Variants in CEMIP observed in about 807,000 individuals in gnomAD.
CEMIP encodes cell migration inducing hyaluronidase 1.
In CEMIP, 105 loss-of-function variants were observed where a neutral mutation model predicts 156.9. The ratio of observed to expected loss-of-function variants is 0.67; its 90% confidence interval spans 0.57 to 0.79. The LOEUF (loss-of-function observed/expected upper bound fraction) is 0.79. CEMIP is among the 30% of genes least tolerant of loss of function. The pLI is 0.00. For missense variants in CEMIP, 1,457 were observed against 1,769.4 expected (o/e 0.82, Z 3.17); for synonymous variants, 676 against 668.4 (o/e 1.01, Z -0.17).
At chr15:80,855,017 G>A (rs1408367574) in intron 1 of CEMIP, among the ~76,000 whole-genome samples, 3 of 152,068 alleles carry the variant, frequency 2.0e-5, no homozygotes, top group African/African-American at 7.2e-5. Flanking sequence ...AGGACATAGT[G>A]AGAATAAACA....
chr15:80,796,538 T>C (rs1410925782), intron 1 of CEMIP, among the ~76,000 whole-genome samples: 1 of 152,236 alleles, frequency 6.6e-6, no homozygotes, highest in African/African-American at 2.4e-5. Context: ...TGTTGGTGCA[T>C]GTTCCATGTC....
In CEMIP at chr15:80,849,255, A is replaced by G. The variant is rs1477697087; in HGVS notation, c.-175-24283A>G. Among the ~76,000 whole-genome samples, 3 of 151,994 alleles carry G rather than the reference A, an allele frequency of 2.0e-5. No homozygotes were observed. The South Asian group carries it at 6.2e-4, about 32-fold the overall frequency. On this transcript the variant is annotated intron_variant, in intron 1 of 29. Transcript: ENST00000394685. Reference sequence around the variant, plus strand: ...TGGCCTCCCAAAGTGCTGGGATTATAGGTGAATGAGCCACTGTGCCTGGCC... The same window carrying G: ...TGGCCTCCCAAAGTGCTGGGATTATGGGTGAATGAGCCACTGTGCCTGGCC...
chr15:80,944,903 C>A (rs183191134), intron 28 of CEMIP, among the ~76,000 whole-genome samples: 2 of 152,324 alleles, frequency 1.3e-5, no homozygotes, highest in Non-Finnish European at 2.9e-5. Context: ...CTGGGGGAAG[C>A]CCTTACTGGA....
At chr15:80,823,618 T>A (rs1358556309) in intron 1 of CEMIP, among the ~76,000 whole-genome samples, 2 of 152,164 alleles carry the variant, frequency 1.3e-5, no homozygotes, top group East Asian at 3.9e-4. Flanking sequence ...GTCCTGAGAC[T>A]AGATATGAGG....
chr15:80,838,195 C>T (rs114611725), intron 1 of CEMIP, among the ~76,000 whole-genome samples: 2,664 of 152,208 alleles, frequency 0.018, 76 homozygotes, highest in African/African-American at 0.055. Flanking sequence ...TCGCAGGGAG[C>T]GGAGGGTGGG....
chr15:80,932,001 C>T lies in CEMIP; in HGVS notation c.2755C>T (p.His919Tyr), dbSNP rs1291295742. The T allele has an allele frequency of 6.2e-7, 1 of 1,614,016 alleles. No homozygotes were observed. The highest frequency in any genetic ancestry group is 1.7e-5 in the Admixed American group (1 of 60,010). ...GAATAATGCCTGGCAGAGCTGCCCC[C>T]ATAACAACGTGACCGGCATTGCCTT... is the stretch of plus-strand genomic sequence containing the variant. ...RLNNAWQSCPHNNVTGIAFED... is the reference protein window; with the variant it reads ...RLNNAWQSCPYNNVTGIAFED... Residue 919 changes from histidine (H) to tyrosine (Y), a missense_variant, in exon 22 of 30, where the codon CAT (histidine) becomes TAT (tyrosine). His to Tyr is a moderately conservative substitution (Grantham distance 83). Around this residue, in one of 5 missense-constraint regions of CEMIP, gnomAD observed 798 missense variants for 980.1 expected, o/e 0.81. Coordinates refer to ENST00000394685, the MANE Select transcript of CEMIP (RefSeq NM_001293298.2). This position sits in a 1 kb window ranked among gnomAD's most constrained non-coding sequence, Gnocchi z 4.5.
At position 80,888,748 on chromosome 15, in the gene CEMIP, G is replaced by A. The variant is rs1186449956; in HGVS notation, c.916G>A (p.Glu306Lys). Residue 306 changes from glutamate (E) to lysine (K), a missense_variant, in exon 9 of 30, where the codon GAG becomes AAG. Transcript: ENST00000394685. ...AARVFKLFQT[E>K]HGEYFNVSLS... The stretch of plus-strand genomic sequence containing the variant: ...CCGGGTATTCAAATTGTTCCAGACA[G>A]AGCATGGCGAATATTTCAATGTTTC... The A allele has an allele frequency of 6.2e-7, 1 of 1,614,186 alleles. No individual in the cohort carries two copies. Among genetic ancestry groups the A allele is most frequent in the Admixed American group, 1.7e-5 (1 of 60,024 alleles).
At chr15:80,866,563 C>G (rs1265340244) in intron 1 of CEMIP, among the ~76,000 whole-genome samples, 4 of 150,694 alleles carry the variant, frequency 2.7e-5, no homozygotes, top group African/African-American at 9.8e-5. Flanking sequence ...TGCCCTCCAG[C>G]CTAGGTGACA....
chr15:80,920,282 G>T lies in CEMIP; in HGVS notation c.1986G>T (p.Lys662Asn). The T allele has an allele frequency of 6.2e-7, 1 of 1,614,086 alleles. No individual in the cohort carries two copies. Among genetic ancestry groups the T allele is most frequent in the Non-Finnish European group, 8.5e-7 (1 of 1,179,966 alleles). The change falls in exon 15 of 30, where the codon AAG becomes AAT. Residue 662 changes from lysine to asparagine, a missense_variant. By Grantham distance (94) the Lys-to-Asn change is moderately conservative (BLOSUM62 0). Coordinates refer to ENST00000394685, the MANE Select transcript of CEMIP (RefSeq NM_001293298.2). ...TEDSYPGYIPKPRQDCNAVST... is the reference protein window; with the variant it reads ...TEDSYPGYIPNPRQDCNAVST... Reference sequence around the variant, plus strand: ...ACTCCTACCCGGGGTACATCCCCAAGCCCAGGCAAGACTGCAAGTAAGTGC... The same window carrying T: ...ACTCCTACCCGGGGTACATCCCCAATCCCAGGCAAGACTGCAAGTAAGTGC...
chr15:80,811,005 G>A lies in CEMIP; in HGVS notation c.-176+31391G>A, dbSNP rs116987795. 7.8e-4 allele frequency among the ~76,000 whole-genome samples: 118 copies of A among 152,240 alleles called. No homozygotes were observed. In the East Asian group the frequency reaches 0.019, roughly 24 times the overall value. ...AACCTACCCATCACGCAGACATCAT[G>A]CTTCTCATTGATTTAATAAACTACT... is the stretch of plus-strand genomic sequence containing the variant. On this transcript the variant is annotated intron_variant, in intron 1 of 29. Coordinates refer to ENST00000394685, the MANE Select transcript of CEMIP (RefSeq NM_001293298.2).
In CEMIP at chr15:80,895,090, G is replaced by A. The variant is rs1325537721; in HGVS notation, c.1187G>A (p.Ser396Asn). The A allele has an allele frequency of 1.1e-5, 17 of 1,614,114 alleles. No homozygotes were observed. Among genetic ancestry groups the A allele is most frequent in the Middle Eastern group, 1.6e-4 (1 of 6,084 alleles). ...TACGACCGGGGCAGAGCCTGCCGGA[G>A]CTACCGTGTACGGTTCCTCTGTGGG... ...ACYDRGRACR[S>N]YRVRFLCGKP... is the part of the protein sequence containing the mutation. The change falls in exon 11 of 30, where the codon AGC (serine) becomes AAC (asparagine). Residue 396 changes from serine (S) to asparagine (N), a missense_variant. Around this residue, in one of 5 missense-constraint regions of CEMIP, gnomAD observed 280 missense variants for 300.3 expected, o/e 0.93. Coordinates refer to ENST00000394685, the MANE Select transcript of CEMIP (RefSeq NM_001293298.2).
At chr15:80,783,758 CCTT>C (rs1162672393) in intron 1 of CEMIP, among the ~76,000 whole-genome samples, 2 of 152,202 alleles carry the variant, frequency 1.3e-5, no homozygotes, top group African/African-American at 2.4e-5. Flanking sequence ...GGCCCCTAGT[CCTT>C]CTTTTTCTTC....
chr15:80,942,090 G>A (rs199752446), intron 26 of CEMIP, 37 bp downstream of exon 26: 41 of 1,589,996 alleles, frequency 2.6e-5, no homozygotes, highest in African/African-American at 2.1e-4. Context: ...CCCCTTTGCC[G>A]TCCAGTCGGG....
At chr15:80,807,547 A>G (rs1339126638) in intron 1 of CEMIP, among the ~76,000 whole-genome samples, 2 of 152,130 alleles carry the variant, frequency 1.3e-5, no homozygotes, top group African/African-American at 4.8e-5. Flanking sequence ...ATTTGTAAGA[A>G]TTAGAGGGAG....
chr15:80,825,588 T>C (rs1897017295), intron 1 of CEMIP, among the ~76,000 whole-genome samples: 1 of 152,238 alleles, frequency 6.6e-6, no homozygotes, highest in Non-Finnish European at 1.5e-5. Flanking sequence ...AGCCACAGCA[T>C]GCATGGCCAT....
Position 80,929,019 on chromosome 15 carries a change from TG to T in CEMIP, c.2459del (p.Gly820ValfsTer14). On this transcript the variant is annotated frameshift_variant and splice_region_variant, in exon 21 of 30. Coordinates refer to ENST00000394685, the MANE Select transcript of CEMIP (RefSeq NM_001293298.2). LOFTEE classifies it high-confidence loss of function. Reference sequence around the variant, plus strand: ...CACCTTAAACATCTTCTCTCTACAGTGGTGGAACCTTCCCGTATGACGACGG... The same window carrying T: ...CACCTTAAACATCTTCTCTCTACAGTGTGGAACCTTCCCGTATGACGACGG... Reference protein sequence around the residue: ...DNGIGLTLASGGTFPYDDGSK... With the variant: ...DNGIGLTLASXGTFPYDDGSK... The T allele has an allele frequency of 1.2e-6, 2 of 1,614,204 alleles. No individual in the cohort carries two copies. Among genetic ancestry groups the T allele is most frequent in the Non-Finnish European group, 1.7e-6 (2 of 1,180,038 alleles).
At chr15:80,888,621 G>T in intron 8 of CEMIP, 80 bp from the exon 9 acceptor site, 1 of 1,086,544 alleles carries the variant, frequency 9.2e-7, no homozygotes, top group South Asian at 1.2e-5. Context: ...TGTGCGTAGG[G>T]GGGTTTCCTT....
At chr15:80,802,011 A>G (rs1432619113) in intron 1 of CEMIP, among the ~76,000 whole-genome samples, 4 of 152,196 alleles carry the variant, frequency 2.6e-5, no homozygotes, top group Non-Finnish European at 5.9e-5. Flanking sequence ...GAGCATCTGG[A>G]GAGTGTGGTA....
At chr15:80,905,240 T>G (rs1899748819) in intron 12 of CEMIP, among the ~76,000 whole-genome samples, 1 of 152,098 alleles carries the variant, frequency 6.6e-6, no homozygotes, top group African/African-American at 2.4e-5. Context: ...AGCCAAGCCG[T>G]GTAGGTGGTG....
Sources: allele counts gnomAD v4.1 joint callset (sites outside exome capture counted in the v4.1 genomes callset), GRCh38; gene constraint gnomAD v4.1.1; regional missense constraint gnomAD v4.1.1; non-coding constraint Gnocchi (gnomAD v3.1); transcripts MANE v1.5; gene names NCBI Gene and HGNC (gene_info 2026-07-23, HGNC 2026-07-21).